The following SCRG1 variants were observed in gnomAD, a reference collection of about 807,000 sequenced individuals.
SCRG1 encodes scrapie-responsive protein 1.
A neutral mutation model predicts 7.7 loss-of-function variants in SCRG1; 3 were observed. The observed-to-expected ratio is 0.39, with a 90% CI of 0.18 to 1.01. The LOEUF (loss-of-function observed/expected upper bound fraction) is 1.01. Ranked by LOEUF, SCRG1 falls within the 50% of genes least tolerant of loss-of-function variation. SCRG1 has a pLI of 0.36. For missense variants in SCRG1, 110 were observed against 117.2 expected (o/e 0.94, Z 0.28); for synonymous variants, 46 against 41.2 (o/e 1.12, Z -0.44).
At chr4:173,418,574 G>A in the SCRG1 span, among the ~76,000 whole-genome samples, 1 of 152,226 alleles carries the variant, frequency 6.6e-6, no homozygotes, top group African/African-American at 2.4e-5. Context: ...TTGAACACGA[G>A]TCTGGTTGAC....
At chr4:173,430,651 A>G in the SCRG1 span, among the ~76,000 whole-genome samples, 1 of 151,948 alleles carries the variant, frequency 6.6e-6, no homozygotes, top group Non-Finnish European at 1.5e-5. Flanking sequence ...CACAAAAAAT[A>G]CAAAAATTAG....
At chr4:173,485,062 T>A in the SCRG1 span, among the ~76,000 whole-genome samples, 40 of 7,812 alleles carry the variant, frequency 5.1e-3, 3 homozygotes, top group Admixed American at 0.015. Flanking sequence ...ATATTATATA[T>A]TATATATTAT....
intron 2 of SCRG1, among the ~76,000 whole-genome samples, chr4:173,390,887 T>G (rs1019752609): frequency 3.9e-5 from 6 of 152,208 alleles, no homozygotes; most frequent in African/African-American, 1.2e-4. Flanking sequence ...TTTTTATTTT[T>G]GGGGGGGTAA....
chr4:173,485,076 TTATATAATATATTA>T, the SCRG1 span, among the ~76,000 whole-genome samples: 1 of 5,266 alleles, frequency 1.9e-4, no homozygotes, highest in Non-Finnish European at 4.0e-4. Context: ...ATATTATATA[TTATATAATATATTA>T]TATATTATAT....
upstream of SCRG1, among the ~76,000 whole-genome samples, chr4:173,408,991 CA>C (rs991902394): frequency 0.035 from 1,811 of 51,348 alleles, 6 homozygotes; most frequent in Non-Finnish European, 0.057. Context: ...GACTCAGTCT[CA>C]AAAAAAAAAA....
intron 1 of SCRG1, among the ~76,000 whole-genome samples, chr4:173,395,055 G>A (rs981154399): frequency 2.0e-5 from 3 of 152,126 alleles, no homozygotes; most frequent in Non-Finnish European, 4.4e-5. Flanking sequence ...TACCAGGAAT[G>A]TTCTTTTTTG....
chr4:173,460,582 TG>T, the SCRG1 span, among the ~76,000 whole-genome samples: 3 of 152,200 alleles, frequency 2.0e-5, no homozygotes, highest in Non-Finnish European at 2.9e-5. Context: ...GGGAACCCCG[TG>T]CCCTGAAGGA....
chr4:173,464,177 TA>T, the SCRG1 span, among the ~76,000 whole-genome samples: 1 of 152,160 alleles, frequency 6.6e-6, no homozygotes, highest in Admixed American at 6.5e-5. Flanking sequence ...TGAAATTACC[TA>T]AATAATGAAA....
At chr4:173,420,572 T>C in the SCRG1 span, among the ~76,000 whole-genome samples, 1 of 152,126 alleles carries the variant, frequency 6.6e-6, no homozygotes, top group Non-Finnish European at 1.5e-5. Context: ...ATTCTAGATG[T>C]CTTGGTGATC....
chr4:173,502,095 G>A, the SCRG1 span, among the ~76,000 whole-genome samples: 1 of 152,108 alleles, frequency 6.6e-6, no homozygotes, highest in Non-Finnish European at 1.5e-5. This position sits in a 1 kb window ranked among gnomAD's most constrained non-coding sequence, Gnocchi z 4.6. Flanking sequence ...TGAACCAAAG[G>A]CATCCGGAGA....
chr4:173,389,383 A>T (rs904147821), intron 2 of SCRG1, among the ~76,000 whole-genome samples: 3 of 152,060 alleles, frequency 2.0e-5, no homozygotes, highest in Admixed American at 2.0e-4. Flanking sequence ...AAATACAAAA[A>T]GAATTAGCCG....
the SCRG1 span, among the ~76,000 whole-genome samples, chr4:173,512,060 A>T: frequency 6.6e-6 from 1 of 152,212 alleles, no homozygotes; most frequent in African/African-American, 2.4e-5. Flanking sequence ...CTAATGGTAA[A>T]ATCGTCCAAG....
chr4:173,398,133 G>T (rs747019401), intron 1 of SCRG1: 1 of 152,066 alleles, frequency 6.6e-6, no homozygotes, highest in Non-Finnish European at 1.5e-5. Flanking sequence ...AAATGTTTTT[G>T]TTAGAATGAC....
At chr4:173,429,079 G>A in the SCRG1 span, among the ~76,000 whole-genome samples, 1 of 152,112 alleles carries the variant, frequency 6.6e-6, no homozygotes, top group African/African-American at 2.4e-5. Flanking sequence ...CCCACTCAAA[G>A]ATGTCTATTA....
At chr4:173,444,113 A>G in the SCRG1 span, among the ~76,000 whole-genome samples, 1 of 151,918 alleles carries the variant, frequency 6.6e-6, no homozygotes, top group East Asian at 1.9e-4. Context: ...AGCTGGGATT[A>G]CAGGTGCCCG....
At chr4:173,394,147 C>T (rs1739529365) in intron 1 of SCRG1, among the ~76,000 whole-genome samples, 3 of 151,766 alleles carry the variant, frequency 2.0e-5, no homozygotes, top group Non-Finnish European at 2.9e-5. Context: ...TTACTATTGC[C>T]GTTTAGCTTA....
chr4:173,453,434 C>T, the SCRG1 span, among the ~76,000 whole-genome samples: 1 of 152,210 alleles, frequency 6.6e-6, no homozygotes, highest in Non-Finnish European at 1.5e-5. Context: ...GTGATTGTGT[C>T]ATTGTGCGAA....
the SCRG1 span, among the ~76,000 whole-genome samples, chr4:173,442,470 T>C: frequency 2.0e-5 from 3 of 152,224 alleles, no homozygotes; most frequent in Admixed American, 6.5e-5. Context: ...TCTCATCTCA[T>C]GGAACTCACG....
chr4:173,487,589 T>G, the SCRG1 span, among the ~76,000 whole-genome samples: 58 of 152,158 alleles, frequency 3.8e-4, no homozygotes, highest in Non-Finnish European at 2.9e-5. Context: ...AATAAAATAT[T>G]ATTTTTCACC....
Sources: gnomAD v4.1 joint callset for allele counts (sites outside exome capture counted in the v4.1 genomes callset) on GRCh38, gnomAD v4.1.1 for gene constraint, Gnocchi (gnomAD v3.1) non-coding constraint, MANE v1.5 for transcripts, NCBI Gene and HGNC (gene_info 2026-07-23, HGNC 2026-07-21) for gene names.